MYOM1: variants seen among roughly 807,000 people sequenced by gnomAD.
MYOM1 encodes the protein myomesin-1.
Under a neutral mutation model 205.3 loss-of-function variants are expected in MYOM1, and 164 were observed. That is an observed-to-expected ratio of 0.80 (90% CI 0.70 to 0.91). The LOEUF is 0.91. MYOM1 is among the 40% of genes least tolerant of loss of function. The probability of loss-of-function intolerance (pLI) is 0.00; values close to 1 mark genes in which losing one functional copy is unlikely to be tolerated. For missense variants in MYOM1, 2,011 were observed against 2,127.3 expected, an observed-to-expected ratio of 0.95 and a Z score of 1.08; for synonymous variants, 772 against 789.4, an observed-to-expected ratio of 0.98 and a Z score of 0.37.
At chr18:3,127,305 A>ATATATATTTT (rs56880961) in intron 18 of MYOM1, among the ~76,000 whole-genome samples, 6 of 47,582 alleles carry the variant, frequency 1.3e-4, no homozygotes, top group African/African-American at 1.8e-4. Flanking sequence ...ATATATATAT[A>ATATATATTTT]TTTTTTTTTT....
At chr18:3,157,235 G>A (rs1221341321) in intron 10 of MYOM1, among the ~76,000 whole-genome samples, 1 of 152,204 alleles carries the variant, frequency 6.6e-6, no homozygotes, top group African/African-American at 2.4e-5. Flanking sequence ...GGGCATTCAG[G>A]GAGCCATTGT....
chr18:3,241,786 G>A, the MYOM1 span, among the ~76,000 whole-genome samples: 2 of 152,336 alleles, frequency 1.3e-5, no homozygotes, highest in East Asian at 3.9e-4. Flanking sequence ...GAGGGAGGCT[G>A]TACCCTGCAA....
intron 2 of MYOM1, among the ~76,000 whole-genome samples, chr18:3,197,863 A>G (rs562230503): frequency 6.6e-6 from 1 of 151,758 alleles, no homozygotes; most frequent in African/African-American, 2.4e-5. Context: ...ACAGAGCGAG[A>G]CTCCATCTCA....
At chr18:3,132,402 G>A (rs1233245458) in intron 16 of MYOM1, among the ~76,000 whole-genome samples, 4 of 151,784 alleles carry the variant, frequency 2.6e-5, no homozygotes, top group East Asian at 1.9e-4. Context: ...CACCCACCTC[G>A]GCCTCCCAAA....
intron 10 of MYOM1, among the ~76,000 whole-genome samples, chr18:3,156,560 C>T (rs1042693847): frequency 1.3e-5 from 2 of 151,722 alleles, no homozygotes; most frequent in East Asian, 1.9e-4. Flanking sequence ...AGAATCTCTG[C>T]GTGCCACTCA....
upstream of MYOM1, among the ~76,000 whole-genome samples, chr18:3,224,028 ATTTTTTTTT>A (rs550455569): frequency 7.2e-6 from 1 of 138,656 alleles, no homozygotes; most frequent in Non-Finnish European, 1.6e-5. Context: ...CTAACATTAG[ATTTTTTTTT>A]TTTTTTTTTG....
At chr18:3,127,282 C>CATATATAT (rs1241920775) in intron 18 of MYOM1, among the ~76,000 whole-genome samples, 47 of 59,486 alleles carry the variant, frequency 7.9e-4, no homozygotes, top group East Asian at 3.3e-3. Flanking sequence ...TCAGAATTTC[C>CATATATAT]ATATATATAT....
At chr18:3,231,166 C>T in the MYOM1 span, among the ~76,000 whole-genome samples, 1 of 152,218 alleles carries the variant, frequency 6.6e-6, no homozygotes, top group South Asian at 2.1e-4. Flanking sequence ...CAGTGAATGG[C>T]CTGGGCCAAA....
chr18:3,112,441 G>C, intron 21 of MYOM1, 29 bp from the exon 22 acceptor site: 2 of 1,533,668 alleles, frequency 1.3e-6, no homozygotes, highest in Non-Finnish European at 1.8e-6. Flanking sequence ...GAAGCAATGG[G>C]TGTTTGATGA....
At position 3,103,373 on chromosome 18, in the gene MYOM1, A is replaced by T. The variant is rs969793425; in HGVS notation, c.3419-743T>A. 5.9e-5 allele frequency among the ~76,000 whole-genome samples: 9 copies of T among 152,174 alleles called. No individual in the cohort carries two copies. The East Asian group carries it at 1.4e-3, about 23-fold the overall frequency. On this transcript the variant is annotated intron_variant, in intron 22 of 37. Coordinates refer to ENST00000356443, the MANE Select transcript of MYOM1 (RefSeq NM_003803.4). ...TTTCAGGAAGATTGGTTTTTGGATT[A>T]AAAAAAATTCAGTTAGTGTTTTGAG...
intron 21 of MYOM1, 142 bp from the exon 22 acceptor site, chr18:3,112,554 A>T: frequency 1.8e-6 from 1 of 540,650 alleles, no homozygotes. Flanking sequence ...TCTAGATTTG[A>T]TTCTGTCAAA....
chr18:3,130,789 G>A (rs1266812974), intron 17 of MYOM1, among the ~76,000 whole-genome samples: 1 of 152,086 alleles, frequency 6.6e-6, no homozygotes, highest in Non-Finnish European at 1.5e-5. Context: ...CTAACCACCT[G>A]GGTCCCTTTT....
chr18:3,148,844 C>CAAAAAAAAA (rs71159049), intron 13 of MYOM1, among the ~76,000 whole-genome samples: 4 of 47,946 alleles, frequency 8.3e-5, no homozygotes, highest in African/African-American at 1.4e-4. Flanking sequence ...AGACTCCATC[C>CAAAAAAAAA]AAAAAAAAAA....
chr18:3,149,633 T>C (rs929753542), intron 12 of MYOM1, among the ~76,000 whole-genome samples: 5 of 151,992 alleles, frequency 3.3e-5, no homozygotes, highest in Admixed American at 2.0e-4. Context: ...GGAGAGGGGG[T>C]GCCGATCCTG....
Position 3,168,951 on chromosome 18 carries a change from C to G in MYOM1, c.1205G>C (p.Arg402Pro). 2 of 1,613,164 alleles carry G rather than the reference C, an allele frequency of 1.2e-6. No individual in the cohort carries two copies. Among genetic ancestry groups the G allele is most frequent in the Non-Finnish European group, 1.7e-6 (2 of 1,179,568 alleles). ...TTTGTCATCAAAGTGGATCTCAAAC[C>G]GGGATGCATAACCATATGGGGTCAC... Reference protein sequence around the residue: ...FGVTPYGYASRFEIHFDDKFD... With the variant: ...FGVTPYGYASPFEIHFDDKFD... Residue 402 changes from arginine (R) to proline (P), a missense_variant, in exon 9 of 38, where the codon CGG (arginine) becomes CCG (proline). Transcript: ENST00000356443.
At chr18:3,180,642 C>T (rs71356094) in intron 5 of MYOM1, among the ~76,000 whole-genome samples, 10 of 152,158 alleles carry the variant, frequency 6.6e-5, no homozygotes, top group Non-Finnish European at 1.3e-4. Flanking sequence ...CAAAAGCTTT[C>T]TTAAATCCCT....
chr18:3,197,864 CT>C (rs1423572623), intron 2 of MYOM1, among the ~76,000 whole-genome samples: 3 of 151,892 alleles, frequency 2.0e-5, no homozygotes, highest in African/African-American at 7.3e-5. Flanking sequence ...CAGAGCGAGA[CT>C]CCATCTCAAA....
chr18:3,112,214 T>C, intron 22 of MYOM1, 84 bp downstream of exon 22: 3 of 1,080,492 alleles, frequency 2.8e-6, no homozygotes, highest in South Asian at 2.8e-5. Context: ...GTTTTGAAAA[T>C]TAGAGGAAAG....
intron 22 of MYOM1, among the ~76,000 whole-genome samples, chr18:3,105,710 C>A (rs995679380): frequency 1.3e-5 from 2 of 152,060 alleles, no homozygotes; most frequent in African/African-American, 4.8e-5. Flanking sequence ...TAAAAATTAG[C>A]CAGGCGTGGT....
Sources: allele counts gnomAD v4.1 joint callset (sites outside exome capture counted in the v4.1 genomes callset), GRCh38; gene constraint gnomAD v4.1.1; transcripts MANE v1.5; gene names NCBI Gene and HGNC (gene_info 2026-07-23, HGNC 2026-07-21).